The following GLRA3 variants were observed in gnomAD, a reference collection of about 807,000 sequenced individuals.
GLRA3 encodes glycine receptor subunit alpha-3.
In GLRA3, 44 loss-of-function variants were observed where a neutral mutation model predicts 60.4. The observed-to-expected ratio is 0.73, with a 90% confidence interval of 0.57 to 0.94. The LOEUF is 0.94. Among genes scored for constraint, GLRA3 ranks in the 40% least tolerant of loss-of-function variants. The probability of loss-of-function intolerance (pLI) is 0.00; values close to 1 mark genes in which losing one functional copy is unlikely to be tolerated. For missense variants in GLRA3, 508 were observed against 564.6 expected, an observed-to-expected ratio of 0.90 and a Z score of 1.02; for synonymous variants, 223 against 192.9, an observed-to-expected ratio of 1.16 and a Z score of -1.29.
At chr4:174,652,628 TTGTA>T (rs1238480224) in intron 9 of GLRA3, among the ~76,000 whole-genome samples, 1 of 152,268 alleles carries the variant, frequency 6.6e-6, no homozygotes, top group East Asian at 1.9e-4. Flanking sequence ...CTGTGAGACT[TTGTA>T]TGTCTCTTTT....
At chr4:174,758,724 T>A (rs1054151915) in intron 3 of GLRA3, among the ~76,000 whole-genome samples, 3 of 152,158 alleles carry the variant, frequency 2.0e-5, no homozygotes, top group South Asian at 2.1e-4. Flanking sequence ...AAACTGGGCA[T>A]GGGATCTAGG....
At chr4:174,763,978 T>C (rs1738040442) in intron 3 of GLRA3, among the ~76,000 whole-genome samples, 1 of 152,040 alleles carries the variant, frequency 6.6e-6, no homozygotes, top group Non-Finnish European at 1.5e-5. Context: ...ATAATATTTG[T>C]AGAAAAAAGT....
chr4:174,827,040 A>G (rs566655993), intron 1 of GLRA3, among the ~76,000 whole-genome samples: 1 of 152,150 alleles, frequency 6.6e-6, no homozygotes, highest in African/African-American at 2.4e-5. Context: ...GAATGGAGAA[A>G]GAAAAACTTG....
At chr4:174,684,964 G>A (rs1393393872) in intron 5 of GLRA3, among the ~76,000 whole-genome samples, 1 of 151,984 alleles carries the variant, frequency 6.6e-6, no homozygotes, top group Admixed American at 6.6e-5. Context: ...AGCTGAGATC[G>A]ACCATTGCAC....
chr4:174,809,416 G>A (rs1740175666), intron 1 of GLRA3, among the ~76,000 whole-genome samples: 1 of 152,082 alleles, frequency 6.6e-6, no homozygotes, highest in Non-Finnish European at 1.5e-5. Context: ...AGTCATAATA[G>A]TAAGAAAAAT....
intron 3 of GLRA3, among the ~76,000 whole-genome samples, chr4:174,750,766 G>T (rs1402198509): frequency 2.6e-5 from 4 of 152,116 alleles, no homozygotes. Context: ...TTTGACTGCA[G>T]ATGGTTGCTC....
intron 3 of GLRA3, among the ~76,000 whole-genome samples, chr4:174,756,531 T>G (rs1386097511): frequency 6.6e-6 from 1 of 152,146 alleles, no homozygotes; most frequent in African/African-American, 2.4e-5. Flanking sequence ...TCAGACAGCA[T>G]TGAATAAAAT....
intron 1 of GLRA3, among the ~76,000 whole-genome samples, chr4:174,796,778 ACCCTTCTCAGCCT>A (rs1739588572): frequency 6.6e-6 from 1 of 151,848 alleles, no homozygotes. Flanking sequence ...TTCGTGATCC[ACCCTTCTCAGCCT>A]CCCAAATTGC....
At chr4:174,778,679 A>G (rs903886217) in intron 2 of GLRA3, among the ~76,000 whole-genome samples, 1 of 152,260 alleles carries the variant, frequency 6.6e-6, no homozygotes, top group African/African-American at 2.4e-5. Flanking sequence ...GCAAGGGGTC[A>G]GGGAGTTCCC....
chr4:174,672,461 T>C (rs1004574383), intron 7 of GLRA3, among the ~76,000 whole-genome samples: 1 of 152,170 alleles, frequency 6.6e-6, no homozygotes, highest in Non-Finnish European at 1.5e-5. Flanking sequence ...GCCATGAGAC[T>C]TGTATAATTT....
intron 2 of GLRA3, among the ~76,000 whole-genome samples, chr4:174,783,617 T>C (rs1738990158): frequency 7.1e-6 from 1 of 140,408 alleles, no homozygotes; most frequent in Non-Finnish European, 1.6e-5. Flanking sequence ...TCAAACAAAT[T>C]TACAAGAAAA....
At chr4:174,725,630 G>A (rs1017196913) in intron 4 of GLRA3, among the ~76,000 whole-genome samples, 11 of 151,602 alleles carry the variant, frequency 7.3e-5, no homozygotes, top group African/African-American at 2.2e-4. Context: ...ACAGGTGAAC[G>A]CCACCTTGCC....
intron 1 of GLRA3, among the ~76,000 whole-genome samples, chr4:174,809,569 C>A (rs940150234): frequency 2.0e-5 from 3 of 152,004 alleles, no homozygotes; most frequent in Non-Finnish European, 4.4e-5. Context: ...CCCATCTCTA[C>A]TAAAAATACA....
At chr4:174,682,281 C>A (rs953393559) in intron 6 of GLRA3, among the ~76,000 whole-genome samples, 1 of 152,082 alleles carries the variant, frequency 6.6e-6, no homozygotes, top group Admixed American at 6.6e-5. Flanking sequence ...CATTGAGTCT[C>A]TCAATTCTTA....
At chr4:174,703,103 A>G (rs2111054693) in intron 5 of GLRA3, among the ~76,000 whole-genome samples, 1 of 152,312 alleles carries the variant, frequency 6.6e-6, no homozygotes, top group South Asian at 2.1e-4. Context: ...TGGGGACTAT[A>G]AGTGGGCTAT....
At chr4:174,706,714 A>T (rs1167719854) in intron 5 of GLRA3, among the ~76,000 whole-genome samples, 14 of 152,216 alleles carry the variant, frequency 9.2e-5, no homozygotes. Context: ...AAAATTCCAG[A>T]GCATGAAGAT....
At chr4:174,674,478 C>T (rs1734036383) in intron 7 of GLRA3, among the ~76,000 whole-genome samples, 1 of 152,092 alleles carries the variant, frequency 6.6e-6, no homozygotes, top group South Asian at 2.1e-4. Context: ...ATTGTAGAGG[C>T]TGATGCAATA....
At position 174,642,209 on chromosome 4, in the gene GLRA3, A is replaced by G. The variant is rs1732642715; in HGVS notation, c.*1577T>C. On this transcript the variant is annotated 3_prime_UTR_variant, in exon 10 of 10. Transcript: ENST00000274093. ...ATTGTATAAGCTGATGTACAATAAC[A>G]TTGTAAAGGTTTTAGTTTTAAATGG... The G allele has an allele frequency of 2.3e-6, 2 of 873,720 alleles. No individual in the cohort carries two copies. The highest frequency in any genetic ancestry group is 2.7e-6 in the Non-Finnish European group (2 of 728,140). The allele number at this position is 873,720 out of a possible 1,614,324, so 54.1% of individuals were successfully genotyped here.
chr4:174,771,169 A>C (rs1411982932), intron 2 of GLRA3, among the ~76,000 whole-genome samples: 1 of 152,016 alleles, frequency 6.6e-6, no homozygotes, highest in African/African-American at 2.4e-5. Context: ...CCAACATGGC[A>C]CATGTATACA....
Sources: gnomAD v4.1 joint callset for allele counts (sites outside exome capture counted in the v4.1 genomes callset) on GRCh38, gnomAD v4.1.1 for gene constraint, MANE v1.5 for transcripts, NCBI Gene and HGNC (gene_info 2026-07-23, HGNC 2026-07-21) for gene names.